GRID2: variants seen among roughly 807,000 people sequenced by gnomAD.
GRID2 encodes the protein glutamate receptor ionotropic, delta-2.
Under a neutral mutation model 114.8 loss-of-function variants are expected in GRID2, and 33 were observed. The ratio of observed to expected loss-of-function variants is 0.29; its 90% CI spans 0.22 to 0.38. The LOEUF (loss-of-function observed/expected upper bound fraction) is 0.38, where lower values mean the gene tolerates loss of function less well. GRID2 is among the 10% of genes least tolerant of loss of function. GRID2 has a pLI of 1.00. For missense variants in GRID2, 1,184 were observed against 1,257.7 expected, an observed-to-expected ratio of 0.94 and a Z score of 0.89; for synonymous variants, 505 against 449.9, an observed-to-expected ratio of 1.12 and a Z score of -1.55.
At chr4:93,080,530 C>T (rs970382711) in intron 2 of GRID2, among the ~76,000 whole-genome samples, 1 of 152,174 alleles carries the variant, frequency 6.6e-6, no homozygotes, top group African/African-American at 2.4e-5. Context: ...ATGACTACCA[C>T]ACTGGACTGA....
At chr4:92,610,260 G>T (rs971944452) in intron 2 of GRID2, among the ~76,000 whole-genome samples, 1 of 151,582 alleles carries the variant, frequency 6.6e-6, no homozygotes, top group Admixed American at 6.6e-5. Flanking sequence ...AATGCATTAG[G>T]GGATGACTGA....
intron 12 of GRID2, among the ~76,000 whole-genome samples, chr4:93,506,343 T>C (rs1728625172): frequency 1.3e-5 from 2 of 152,200 alleles, no homozygotes; most frequent in South Asian, 4.1e-4. Context: ...TAATCTAATC[T>C]ACCACAGGAG....
At chr4:93,003,514 C>G (rs768047707) in intron 2 of GRID2, among the ~76,000 whole-genome samples, 3 of 151,888 alleles carry the variant, frequency 2.0e-5, no homozygotes, top group Non-Finnish European at 4.4e-5. Context: ...TTACTGGAAG[C>G]ATTTTATATG....
At chr4:93,614,278 C>A (rs965469036) in intron 13 of GRID2, among the ~76,000 whole-genome samples, 1 of 152,224 alleles carries the variant, frequency 6.6e-6, no homozygotes, top group Non-Finnish European at 1.5e-5. Context: ...TCTTCTGCGT[C>A]GCTCACGCTG....
intron 6 of GRID2, among the ~76,000 whole-genome samples, chr4:93,219,399 A>G (rs1390423087): frequency 6.6e-6 from 1 of 152,110 alleles, no homozygotes; most frequent in Non-Finnish European, 1.5e-5. Flanking sequence ...CTGAAACAAT[A>G]AAGTATGGGG....
At chr4:92,661,108 C>T (rs978456686) in intron 2 of GRID2, among the ~76,000 whole-genome samples, 7 of 150,692 alleles carry the variant, frequency 4.6e-5, no homozygotes, top group South Asian at 4.2e-4. Context: ...AGTATGGAGG[C>T]GTTATTCGCA....
chr4:92,446,755 T>C (rs915385456), intron 1 of GRID2, among the ~76,000 whole-genome samples: 5 of 152,230 alleles, frequency 3.3e-5, no homozygotes, highest in African/African-American at 1.2e-4. Context: ...GCCTGTTCTA[T>C]TGCAACACCT....
At chr4:92,539,872 G>A (rs962741413) in intron 1 of GRID2, among the ~76,000 whole-genome samples, 14 of 151,768 alleles carry the variant, frequency 9.2e-5, no homozygotes, top group Middle Eastern at 6.8e-3. Context: ...TCTTGAAGTC[G>A]GGTAGCTACC....
chr4:93,397,014 T>C (rs971502793), intron 9 of GRID2, among the ~76,000 whole-genome samples: 1 of 151,994 alleles, frequency 6.6e-6, no homozygotes, highest in African/African-American at 2.4e-5. Flanking sequence ...AATTAGTAAA[T>C]AGGAGAGGAA....
Position 92,704,168 on chromosome 4 carries a change from C to T in GRID2, c.244+113882C>T, listed in dbSNP as rs535749746. 1.4e-3 allele frequency among the ~76,000 whole-genome samples: 210 copies of T among 152,208 alleles called. 1 individual carries two copies. The highest frequency in any genetic ancestry group is 5.0e-3 in the African/African-American group (206 of 41,536). On this transcript the variant is annotated intron_variant, in intron 2 of 15. Transcript: ENST00000282020. ...CGGCGGGCGCCTGTAGTCCCAGCTA[C>T]TCAGGAGGTTGAGGCAGGAGAATGG...
chr4:92,648,941 A>T (rs962685587), intron 2 of GRID2, among the ~76,000 whole-genome samples: 1 of 140,336 alleles, frequency 7.1e-6, no homozygotes, highest in Non-Finnish European at 1.5e-5. Flanking sequence ...TTCTTTAGAG[A>T]CAATTATTTA....
At chr4:92,676,156 GCC>G (rs70942924) in intron 2 of GRID2, among the ~76,000 whole-genome samples, 2,160 of 25,066 alleles carry the variant, frequency 0.086, 112 homozygotes, top group Middle Eastern at 0.23. Flanking sequence ...GTCGTGTCAA[GCC>G]CCCCCCCCCC....
intron 4 of GRID2, among the ~76,000 whole-genome samples, chr4:93,149,813 C>A (rs1002556392): frequency 1.3e-5 from 2 of 151,602 alleles, no homozygotes; most frequent in Non-Finnish European, 2.9e-5. Context: ...TTTTAATTTT[C>A]TTGTAGAGAT....
chr4:93,058,538 C>A (rs1727478787), intron 2 of GRID2, among the ~76,000 whole-genome samples: 1 of 151,780 alleles, frequency 6.6e-6, no homozygotes, highest in East Asian at 1.9e-4. Context: ...TTTAGTTGTC[C>A]TTCCACACCA....
At chr4:93,061,224 A>C (rs1413909006) in intron 2 of GRID2, among the ~76,000 whole-genome samples, 23 of 149,870 alleles carry the variant, frequency 1.5e-4, no homozygotes, top group South Asian at 6.3e-4. Flanking sequence ...ATGCCTAACA[A>C]ATACCTTGAA....
chr4:93,022,515 A>G (rs913638302), intron 2 of GRID2, among the ~76,000 whole-genome samples: 3 of 151,946 alleles, frequency 2.0e-5, no homozygotes, highest in Non-Finnish European at 2.9e-5. Context: ...AAATCTTTGC[A>G]ATATTTTCTA....
intron 1 of GRID2, among the ~76,000 whole-genome samples, chr4:93,795,853 T>C (rs1192773634): frequency 6.6e-6 from 1 of 152,174 alleles, no homozygotes; most frequent in Non-Finnish European, 1.5e-5. Context: ...AGGCAGTAAA[T>C]GTACTGCAGC....
chr4:93,206,203 T>C (rs1742751055), intron 4 of GRID2, among the ~76,000 whole-genome samples: 1 of 152,104 alleles, frequency 6.6e-6, no homozygotes, highest in Non-Finnish European at 1.5e-5. Flanking sequence ...TATAATGGAA[T>C]AGTATGAAAC....
intron 4 of GRID2, among the ~76,000 whole-genome samples, chr4:93,189,649 G>A (rs1017420694): frequency 4.6e-5 from 7 of 151,778 alleles, no homozygotes; most frequent in South Asian, 4.2e-4. Flanking sequence ...GCACCATACC[G>A]AAGTATCCAC....
Sources: allele counts gnomAD v4.1 joint callset (sites outside exome capture counted in the v4.1 genomes callset), GRCh38; gene constraint gnomAD v4.1.1; transcripts MANE v1.5; gene names NCBI Gene and HGNC (gene_info 2026-07-23, HGNC 2026-07-21).